The following TANC2 variants were observed in gnomAD, a reference collection of about 807,000 sequenced individuals.
The protein encoded by TANC2 is tetratricopeptide repeat, ankyrin repeat and coiled-coil containing 2, also known as protein TANC2.
Under a neutral mutation model 210.5 loss-of-function variants are expected in TANC2, and 26 were observed. The observed-to-expected ratio is 0.12, with a 90% confidence interval of 0.09 to 0.17. TANC2 has a LOEUF of 0.17. Among genes scored for constraint, TANC2 ranks in the 10% least tolerant of loss-of-function variants. The pLI, the probability that TANC2 is intolerant of heterozygous loss-of-function variation, is 1.00. For synonymous variants in TANC2, 931 were observed against 967.1 expected, an observed-to-expected ratio of 0.96 and a Z score of 0.69; for missense variants, 2,129 against 2,608.9, an observed-to-expected ratio of 0.82 and a Z score of 4.01.
At chr17:63,081,033 CATTCTGATATATAAAGTATAT>C (rs1186988808) in intron 3 of TANC2, among the ~76,000 whole-genome samples, 2 of 152,176 alleles carry the variant, frequency 1.3e-5, no homozygotes, top group East Asian at 3.9e-4. Flanking sequence ...AGAACCTTTT[CATTCTGATATATAAAGTATAT>C]ATTTGTTTGT....
At chr17:63,128,426 TA>T in intron 4 of TANC2, among the ~76,000 whole-genome samples, 1 of 152,324 alleles carries the variant, frequency 6.6e-6, no homozygotes, top group East Asian at 1.9e-4. Flanking sequence ...GAAGGTATTT[TA>T]AAAATCTGTC....
intron 4 of TANC2, among the ~76,000 whole-genome samples, chr17:63,135,346 T>C (rs1340331256): frequency 6.6e-6 from 1 of 152,212 alleles, no homozygotes. Context: ...AAAATCTATT[T>C]TGAGATATTT....
At chr17:63,252,380 T>C (rs1008556470) in intron 8 of TANC2, among the ~76,000 whole-genome samples, 1 of 152,162 alleles carries the variant, frequency 6.6e-6, no homozygotes, top group African/African-American at 2.4e-5. Flanking sequence ...GTTCCAACTA[T>C]TCTCTTTTAG....
intron 15 of TANC2, among the ~76,000 whole-genome samples, chr17:63,386,282 A>T (rs900164393): frequency 6.6e-6 from 1 of 152,190 alleles, no homozygotes; most frequent in Non-Finnish European, 1.5e-5. Context: ...AAAAAATTTT[A>T]GTTCCTTTTT....
intron 2 of TANC2, among the ~76,000 whole-genome samples, chr17:63,018,024 G>A (rs2034183225): frequency 6.6e-6 from 1 of 151,990 alleles, no homozygotes; most frequent in Non-Finnish European, 1.5e-5. Context: ...TGTAGTCCTA[G>A]TGAGGCAGGA....
chr17:63,081,978 A>G (rs568588141), intron 3 of TANC2, among the ~76,000 whole-genome samples: 139 of 152,240 alleles, frequency 9.1e-4, no homozygotes, highest in Middle Eastern at 3.4e-3. Flanking sequence ...ATCCTGGCTA[A>G]CATTGTGAAA....
At chr17:63,141,013 G>A (rs767467812) in intron 4 of TANC2, among the ~76,000 whole-genome samples, 17 of 151,824 alleles carry the variant, frequency 1.1e-4, no homozygotes, top group Non-Finnish European at 1.6e-4. Flanking sequence ...GCCTCCCAAA[G>A]TGCTGGGATT....
intron 14 of TANC2, among the ~76,000 whole-genome samples, chr17:63,358,376 A>AGAGTGTGTGTGTGTGTGTGT (rs1470682571): frequency 4.9e-5 from 4 of 80,942 alleles, no homozygotes; most frequent in Admixed American, 1.4e-4. Context: ...AGAGAGAGAG[A>AGAGTGTGTGTGTGTGTGTGT]GTATGTGTGT....
At chr17:63,185,176 G>GT (rs910659709) in intron 5 of TANC2, among the ~76,000 whole-genome samples, 4 of 151,760 alleles carry the variant, frequency 2.6e-5, no homozygotes, top group African/African-American at 4.8e-5. Flanking sequence ...TTAAAAAAAT[G>GT]TTTTTTTGGA....
At chr17:63,039,814 T>TA (rs1469977417) in intron 2 of TANC2, among the ~76,000 whole-genome samples, 3 of 152,122 alleles carry the variant, frequency 2.0e-5, no homozygotes, top group African/African-American at 7.2e-5. Context: ...GCCCTCTATA[T>TA]AAAGAGGTTC....
chr17:63,258,215 C>G (rs371155715), intron 8 of TANC2, among the ~76,000 whole-genome samples: 1 of 152,254 alleles, frequency 6.6e-6, no homozygotes, highest in African/African-American at 2.4e-5. Context: ...ACTGAGAAGT[C>G]TGTTGCCAGA....
chr17:63,379,477 C>T (rs2047532724), intron 14 of TANC2, among the ~76,000 whole-genome samples: 1 of 152,158 alleles, frequency 6.6e-6, no homozygotes, highest in African/African-American at 2.4e-5. Context: ...CGAGACCAGC[C>T]TGGCCAACAT....
intron 9 of TANC2, among the ~76,000 whole-genome samples, chr17:63,309,082 ATTTTAATG>A (rs2045027595): frequency 6.6e-6 from 1 of 152,096 alleles, no homozygotes; most frequent in South Asian, 2.1e-4. Context: ...ATTCCTTTCT[ATTTTAATG>A]TCTGTGTAAT....
intron 9 of TANC2, among the ~76,000 whole-genome samples, chr17:63,282,206 C>T (rs1001392137): frequency 1.3e-5 from 2 of 151,726 alleles, no homozygotes; most frequent in Non-Finnish European, 2.9e-5. Context: ...AATTTATGAA[C>T]CCCATAAATA....
At chr17:63,085,193 T>G (rs2036914420) in intron 3 of TANC2, among the ~76,000 whole-genome samples, 1 of 152,188 alleles carries the variant, frequency 6.6e-6, no homozygotes. Context: ...TTAAGTCTTG[T>G]TGGGGAATTG....
At chr17:63,237,419 C>A (rs1448020671) in intron 7 of TANC2, among the ~76,000 whole-genome samples, 1 of 152,008 alleles carries the variant, frequency 6.6e-6, no homozygotes. Flanking sequence ...TCTGCAGGTT[C>A]TTTTCACTCT....
chr17:63,142,668 AATT>A (rs1464855741), intron 4 of TANC2, among the ~76,000 whole-genome samples: 1 of 152,106 alleles, frequency 6.6e-6, no homozygotes, highest in Non-Finnish European at 1.5e-5. Context: ...GTGCTTTCCA[AATT>A]TTTAAAGACA....
At chr17:63,388,949 C>T (rs1216410317) in intron 16 of TANC2, among the ~76,000 whole-genome samples, 192 bp downstream of exon 16, 9 of 152,096 alleles carry the variant, frequency 5.9e-5, no homozygotes, top group Admixed American at 5.9e-4. Flanking sequence ...GTCCTCTTAA[C>T]TTCTATAAGC....
At chr17:63,214,892 C>T (rs935251228) in intron 7 of TANC2, among the ~76,000 whole-genome samples, 1 of 152,144 alleles carries the variant, frequency 6.6e-6, no homozygotes, top group African/African-American at 2.4e-5. Context: ...ATGATGCTCT[C>T]AATTCTTTCC....
Sources: allele counts gnomAD v4.1 joint callset (sites outside exome capture counted in the v4.1 genomes callset), GRCh38; gene constraint gnomAD v4.1.1; transcripts MANE v1.5; gene names NCBI Gene and HGNC (gene_info 2026-07-23, HGNC 2026-07-21).